Variants in METTL27 observed in about 807,000 individuals in gnomAD.
The protein encoded by METTL27 is methyltransferase-like protein 27.
METTL27 carries 29 observed loss-of-function variants against 24.5 expected under a neutral mutation model. The observed-to-expected ratio is 1.18, with a 90% CI of 0.88 to 1.61. The LOEUF (loss-of-function observed/expected upper bound fraction) is 1.61, where lower values mean the gene tolerates loss of function less well. Among genes scored for constraint, METTL27 ranks in the 40% most tolerant of loss-of-function variants. METTL27 has a pLI of 0.00. For missense variants in METTL27, 341 were observed against 324.3 expected, an observed-to-expected ratio of 1.05 and a Z score of -0.40; for synonymous variants, 138 against 146.8, an observed-to-expected ratio of 0.94 and a Z score of 0.43.
chr7:73,840,290 A>T, intron 4 of METTL27, 124 bp downstream of exon 4: 1 of 1,488,748 alleles, frequency 6.7e-7, no homozygotes. Context: ...GGCTGCAGTC[A>T]GATCGTGGGG....
rs1433811032 is a variant in METTL27 at position 73,834,976 on chromosome 7, T to C, written c.505A>G (p.Thr169Ala). 1.3e-5 allele frequency: 21 copies of C among 1,612,466 alleles called. No individual in the cohort carries two copies. Among genetic ancestry groups the C allele is most frequent in the Non-Finnish European group, 1.8e-5 (21 of 1,179,788 alleles). Residue 169 changes from threonine (T) to alanine (A), a missense_variant, in exon 6 of 6, where the codon ACC becomes GCC. Coordinates refer to ENST00000297873, the MANE Select transcript of METTL27 (RefSeq NM_152559.3). Reference protein sequence around the residue: ...PGGLVCLTTRTNSSNLQYKEA... With the variant: ...PGGLVCLTTRANSSNLQYKEA... ...TTGTATTGAAGGTTGGACGAGTTGG[T>C]CCTGGTGGTCAGACACACCAGCCCA... is the stretch of plus-strand genomic sequence containing the variant.
Position 73,840,124 on chromosome 7 carries a change from T to G in METTL27, c.389-4A>C, listed in dbSNP as rs1584340031. 4 of 1,268,216 alleles carry G rather than the reference T, an allele frequency of 3.2e-6. No homozygotes were observed. Among genetic ancestry groups the G allele is most frequent in the African/African-American group, 3.8e-5 (2 of 52,998 alleles). 78.6% of individuals were successfully genotyped at this position (1,268,216 alleles called of 1,614,324 possible). On this transcript the variant is annotated splice_region_variant and splice_polypyrimidine_tract_variant and intron_variant, in intron 4 of 5. Transcript: ENST00000297873. ...ATCAGCACCGCGTCGAAGGTCCCTG[T>G]GTGTGTGTGGGGGGGGGTGGGGACA... is the stretch of plus-strand genomic sequence containing the variant.
chr7:73,836,185 GTCA>G (rs1788185223), intron 5 of METTL27, among the ~76,000 whole-genome samples: 1 of 127,836 alleles, frequency 7.8e-6, no homozygotes, highest in Non-Finnish European at 1.7e-5. Flanking sequence ...AGGTAGGGGG[GTCA>G]GCCCCCCGCC....
intron 1 of METTL27, 122 bp from the exon 2 acceptor site, chr7:73,842,266 C>G: frequency 6.9e-7 from 1 of 1,439,050 alleles, no homozygotes; most frequent in Non-Finnish European, 9.1e-7. Context: ...ACCCCTATCC[C>G]GGCCCCTATC....
intron 2 of METTL27, among the ~76,000 whole-genome samples, 158 bp downstream of exon 2, chr7:73,841,860 A>G (rs1788368596): frequency 6.6e-6 from 1 of 151,546 alleles, no homozygotes; most frequent in African/African-American, 2.4e-5. Flanking sequence ...GCCAATCCAG[A>G]GCTGTGGGGC....
chr7:73,834,681 G>A lies in METTL27; in HGVS notation c.*62C>T. ...TTACAGGGGAGGCAGAGGAGGCCCA[G>A]CAGATGGGCCCAGCTAAGGCCACAT... On this transcript the variant is annotated 3_prime_UTR_variant, in exon 6 of 6. Transcript: ENST00000297873. 6.8e-7 allele frequency: 1 copy of A among 1,470,762 alleles called. No individual in the cohort carries two copies. Among genetic ancestry groups the A allele is most frequent in the Non-Finnish European group, 9.3e-7 (1 of 1,074,152 alleles). 91.1% of individuals were successfully genotyped at this position (1,470,762 alleles called of 1,614,324 possible).
intron 3 of METTL27, 37 bp downstream of exon 3, chr7:73,841,033 G>A (rs782507479): frequency 1.7e-5 from 24 of 1,438,116 alleles, no homozygotes; most frequent in Non-Finnish European, 2.2e-5. Flanking sequence ...GGAAGTGCGG[G>A]GCTAAGGAGT....
Position 73,835,278 on chromosome 7 carries a change from A to C in METTL27, c.479-276T>G, listed in dbSNP as rs548261827. On this transcript the variant is annotated intron_variant, in intron 5 of 5. Coordinates refer to ENST00000297873, the MANE Select transcript of METTL27 (RefSeq NM_152559.3). ...ACGGTCTCCCTCTCATGCTGAGCCG[A>C]AGCTGGACTGTACTGCTGCCATCTC... Among the ~76,000 whole-genome samples the C allele has an allele frequency of 3.8e-3, 542 of 142,036 alleles. 9 individuals are homozygous for C. Among genetic ancestry groups the C allele is most frequent in the African/African-American group, 0.014 (512 of 37,394 alleles). 93.2% of individuals were successfully genotyped at this position (142,036 alleles called of 152,430 possible).
intron 1 of METTL27, among the ~76,000 whole-genome samples, 161 bp from the exon 2 acceptor site, chr7:73,842,305 G>A (rs1409466491): frequency 6.6e-6 from 1 of 152,142 alleles, no homozygotes; most frequent in African/African-American, 2.4e-5. Flanking sequence ...CGCAGAGAGG[G>A]CGGGCTTGGA....
chr7:73,835,910 G>A (rs1193338986), intron 5 of METTL27, among the ~76,000 whole-genome samples: 8 of 146,356 alleles, frequency 5.5e-5, no homozygotes, highest in Admixed American at 4.1e-4. Context: ...CCGCAACCCC[G>A]TCTGGGAGGT....
In METTL27 at chr7:73,834,781, A is replaced by G. The variant is rs1788111101; in HGVS notation, c.700T>C (p.Cys234Arg). 5 of 1,614,146 alleles carry G rather than the reference A, an allele frequency of 3.1e-6. No homozygotes were observed. The South Asian group carries it at 4.4e-5, about 14-fold the overall frequency. The change falls in exon 6 of 6, where the codon TGT (cysteine) becomes CGT (arginine). Residue 234 changes from cysteine to arginine, a missense_variant. Coordinates refer to ENST00000297873, the MANE Select transcript of METTL27 (RefSeq NM_152559.3). ...RMASSPALST[C>R]TESGRRPRLR... ...CTGGGTCGCCTTCCACTTTCGGTAC[A>G]GGTAGACAATGCCGGAGATGAAGCC...
At chr7:73,838,028 T>C (rs953394577) in intron 5 of METTL27, among the ~76,000 whole-genome samples, 38 of 152,088 alleles carry the variant, frequency 2.5e-4, no homozygotes, top group African/African-American at 9.2e-4. Flanking sequence ...TAAACATTTT[T>C]TTTTTGTAGA....
rs781926215 is a variant in METTL27 at position 73,840,131 on chromosome 7, G to C, written c.389-11C>G. On this transcript the variant is annotated splice_polypyrimidine_tract_variant and intron_variant, in intron 4 of 5. Transcript: ENST00000297873. ...CCGCGTCGAAGGTCCCTGTGTGTGT[G>C]TGGGGGGGGGTGGGGACATGGTGTG... is the stretch of plus-strand genomic sequence containing the variant. 5 of 1,443,140 alleles carry C rather than the reference G, an allele frequency of 3.5e-6. No individual in the cohort carries two copies. The African/African-American group carries it at 7.3e-5, about 21-fold the overall frequency. 89.4% of individuals were successfully genotyped at this position (1,443,140 alleles called of 1,614,324 possible). A position where few individuals can be genotyped will look rare whatever the true frequency, so the allele number is the denominator to read the frequency against.
In METTL27 at chr7:73,840,564, G is replaced by A; in HGVS notation, c.253-15C>T. ...GGAGCCCGCAGCTGGGGTAGGGGTG[G>A]GAGACTCAGTCATGGTTCACACCTG... is the stretch of plus-strand genomic sequence containing the variant. On this transcript the variant is annotated splice_polypyrimidine_tract_variant and intron_variant, in intron 3 of 5. Transcript: ENST00000297873. 1 of 1,570,570 alleles carries A rather than the reference G, an allele frequency of 6.4e-7. No individual in the cohort carries two copies.
intron 5 of METTL27, chr7:73,835,218 C>G: frequency 1.7e-6 from 1 of 599,096 alleles, no homozygotes; most frequent in Non-Finnish European, 2.8e-6. Context: ...CTCTCCCTCT[C>G]CCTCTCCCCA....
chr7:73,836,022 G>A (rs1246763594), intron 5 of METTL27, among the ~76,000 whole-genome samples: 3,192 of 117,380 alleles, frequency 0.027, no homozygotes, highest in African/African-American at 0.089. Context: ...CCCGGCAGCC[G>A]CCCCGTCTGG....
intron 1 of METTL27, 126 bp downstream of exon 1, chr7:73,842,364 A>C (rs940221554): frequency 4.7e-5 from 31 of 662,678 alleles, no homozygotes; most frequent in Non-Finnish European, 7.2e-5. Flanking sequence ...AGGTGGGAGA[A>C]GGGGGTGCCC....
Position 73,835,019 on chromosome 7 carries a change from G to A in METTL27, c.479-17C>T, listed in dbSNP as rs782241788. 6.9e-6 allele frequency: 11 copies of A among 1,597,268 alleles called. No individual in the cohort carries two copies. The highest frequency in any genetic ancestry group is 4.0e-5 in the African/African-American group (3 of 74,538). ...CCAGCCCACCTGGGGGAGAGGGGTA[G>A]GTGAGGTGGGGGAGGGGCAGGAGCC... On this transcript the variant is annotated splice_polypyrimidine_tract_variant and intron_variant, in intron 5 of 5. Transcript: ENST00000297873.
chr7:73,835,369 T>C (rs1379888338), intron 5 of METTL27, among the ~76,000 whole-genome samples: 1 of 144,454 alleles, frequency 6.9e-6, no homozygotes, highest in Non-Finnish European at 1.5e-5. Flanking sequence ...GATTGCAGAC[T>C]CGCGCCGCCA....
Sources: allele counts gnomAD v4.1 joint callset (sites outside exome capture counted in the v4.1 genomes callset), GRCh38; gene constraint gnomAD v4.1.1; transcripts MANE v1.5; gene names NCBI Gene and HGNC (gene_info 2026-07-23, HGNC 2026-07-21).